DTNB: variants seen among roughly 807,000 people sequenced by gnomAD.
DTNB encodes dystrobrevin beta.
In DTNB, 63 loss-of-function variants were observed where a neutral mutation model predicts 90.7. The observed-to-expected ratio is 0.69, with a 90% CI of 0.57 to 0.86. DTNB has a LOEUF of 0.86. DTNB is among the 40% of genes least tolerant of loss of function. DTNB has a pLI of 0.00. For missense variants in DTNB, 744 were observed against 807.1 expected, an observed-to-expected ratio of 0.92 and a Z score of 0.95; for synonymous variants, 277 against 286.7, an observed-to-expected ratio of 0.97 and a Z score of 0.34.
chr2:25,550,454 A>C (rs2083419761), intron 8 of DTNB, among the ~76,000 whole-genome samples: 1 of 152,154 alleles, frequency 6.6e-6, no homozygotes, highest in Non-Finnish European at 1.5e-5. Flanking sequence ...TTTTCTTAAA[A>C]CCAGTGATGA....
chr2:25,511,874 T>C (rs1004208301), intron 9 of DTNB, among the ~76,000 whole-genome samples: 2 of 152,146 alleles, frequency 1.3e-5, no homozygotes, highest in African/African-American at 4.8e-5. Flanking sequence ...TGGATTTATA[T>C]AGAATTAAAC....
chr2:25,506,183 C>A (rs1428955655), intron 9 of DTNB, among the ~76,000 whole-genome samples: 1 of 151,996 alleles, frequency 6.6e-6, no homozygotes, highest in Non-Finnish European at 1.5e-5. Flanking sequence ...TTAATGGGTA[C>A]AAACACAGAG....
At chr2:25,644,266 T>C (rs181433681) in intron 2 of DTNB, among the ~76,000 whole-genome samples, 2 of 152,290 alleles carry the variant, frequency 1.3e-5, no homozygotes, top group Non-Finnish European at 2.9e-5. Context: ...AAGAGCCTTC[T>C]CTTGGGATCT....
At chr2:25,392,241 TC>T (rs1301141711) in intron 16 of DTNB, among the ~76,000 whole-genome samples, 1 of 152,026 alleles carries the variant, frequency 6.6e-6, no homozygotes, top group Non-Finnish European at 1.5e-5. Context: ...AAACCCCATC[TC>T]CACTGAAAAA....
At chr2:25,524,311 G>C (rs2076693056) in intron 9 of DTNB, among the ~76,000 whole-genome samples, 1 of 150,708 alleles carries the variant, frequency 6.6e-6, no homozygotes, top group African/African-American at 2.4e-5. Context: ...GAAACTCAAA[G>C]TTGAAAGGAT....
At chr2:25,650,344 A>G (rs2080597886) in intron 2 of DTNB, 3 of 586,296 alleles carry the variant, frequency 5.1e-6, no homozygotes, top group South Asian at 1.5e-4. Context: ...TGCCTGGAGC[A>G]TAGCAGATCC....
At chr2:25,405,203 T>C (rs1217558528) in intron 16 of DTNB, among the ~76,000 whole-genome samples, 1 of 152,132 alleles carries the variant, frequency 6.6e-6, no homozygotes, top group Non-Finnish European at 1.5e-5. Context: ...GCTGGGATTA[T>C]AGGCGTGAGC....
At chr2:25,446,235 G>C (rs34912632) in intron 12 of DTNB, among the ~76,000 whole-genome samples, 2 of 151,732 alleles carry the variant, frequency 1.3e-5, no homozygotes, top group South Asian at 4.2e-4. Flanking sequence ...GGATGTAATC[G>C]ACTGTTTTAT....
chr2:25,603,865 CTT>C (rs1200322193), intron 5 of DTNB, among the ~76,000 whole-genome samples: 1 of 152,172 alleles, frequency 6.6e-6, no homozygotes, highest in Non-Finnish European at 1.5e-5. Context: ...TACAGTGTTA[CTT>C]CTCTCTTTTG....
At chr2:25,660,511 T>C (rs991998568) in intron 1 of DTNB, among the ~76,000 whole-genome samples, 5 of 152,136 alleles carry the variant, frequency 3.3e-5, no homozygotes, top group African/African-American at 9.7e-5. Flanking sequence ...CTGAAATTAA[T>C]AGTGATGGTT....
chr2:25,378,808 A>G (rs2036648615), intron 20 of DTNB, among the ~76,000 whole-genome samples: 1 of 152,194 alleles, frequency 6.6e-6, no homozygotes, highest in Admixed American at 6.5e-5. Flanking sequence ...TCAGCCCTGT[A>G]GTCAGTGTGA....
At chr2:25,386,364 C>T (rs2039470347) in intron 18 of DTNB, among the ~76,000 whole-genome samples, 1 of 152,132 alleles carries the variant, frequency 6.6e-6, no homozygotes, top group African/African-American at 2.4e-5. Flanking sequence ...TTGAATCGTC[C>T]GTGGAAAAAC....
intron 8 of DTNB, among the ~76,000 whole-genome samples, chr2:25,550,174 G>A (rs186607069): frequency 5.3e-4 from 80 of 152,116 alleles, no homozygotes; most frequent in African/African-American, 1.7e-3. Flanking sequence ...GGCGGATCAC[G>A]AGGTCAGGAG....
At chr2:25,513,286 G>A (rs544886488) in intron 9 of DTNB, among the ~76,000 whole-genome samples, 2 of 152,208 alleles carry the variant, frequency 1.3e-5, no homozygotes, top group East Asian at 1.9e-4. Flanking sequence ...GTTTAGATAG[G>A]GAAGAAATAA....
Position 25,388,233 on chromosome 2 carries a change from G to A in DTNB, c.1704C>T (p.Val568=), listed in dbSNP as rs200383554. ...THCPQDSLSG[V]GGDVQEAFAQ... ...CGAAGGCCTCCTGCACGTCTCCCCC[G>A]ACTCCGCTCAGCGAGTCCTGCGGAC... Residue 568 remains valine (V), a synonymous_variant, in exon 17 of 21, where the codon GTC becomes GTT. Coordinates refer to ENST00000406818, the MANE Select transcript of DTNB (RefSeq NM_021907.5). 8,107 of 1,596,486 alleles carry A rather than the reference G, an allele frequency of 5.1e-3. 28 individuals carry two copies. The highest frequency in any genetic ancestry group is 6.3e-3 in the Non-Finnish European group (7,421 of 1,171,974).
intron 6 of DTNB, 50 bp from the exon 7 acceptor site, chr2:25,580,876 A>G (rs1460203297): frequency 2.7e-6 from 4 of 1,501,542 alleles, no homozygotes; most frequent in South Asian, 1.2e-5. Flanking sequence ...AGGAATCTCC[A>G]AACTCCAAGT....
intron 16 of DTNB, among the ~76,000 whole-genome samples, chr2:25,416,620 C>T (rs887321042): frequency 7.2e-5 from 11 of 152,050 alleles, no homozygotes; most frequent in Non-Finnish European, 1.5e-4. Context: ...GAGCCAAGGT[C>T]GCACCACTGT....
At chr2:25,609,407 T>C (rs1338607590) in intron 4 of DTNB, among the ~76,000 whole-genome samples, 1 of 152,078 alleles carries the variant, frequency 6.6e-6, no homozygotes, top group African/African-American at 2.4e-5. Flanking sequence ...AAGACCAGCC[T>C]GACCAACATG....
At chr2:25,499,188 A>T (rs926823706) in intron 9 of DTNB, among the ~76,000 whole-genome samples, 12 of 151,944 alleles carry the variant, frequency 7.9e-5, no homozygotes, top group African/African-American at 2.9e-4. Flanking sequence ...TTGCAAAAAA[A>T]AAAACCAAAC....
Sources: gnomAD v4.1 joint callset for allele counts (sites outside exome capture counted in the v4.1 genomes callset) on GRCh38, gnomAD v4.1.1 for gene constraint, MANE v1.5 for transcripts, NCBI Gene and HGNC (gene_info 2026-07-23, HGNC 2026-07-21) for gene names.